Variants in CNGB3 observed in about 807,000 individuals in gnomAD.
The protein encoded by CNGB3 is cyclic nucleotide gated channel subunit beta 3, also known as cyclic nucleotide-gated channel beta-3.
In CNGB3, 86 loss-of-function variants were observed where a neutral mutation model predicts 92.8. The ratio of observed to expected loss-of-function variants is 0.93; its 90% confidence interval spans 0.78 to 1.11. CNGB3 has a LOEUF of 1.11. Ranked by LOEUF, CNGB3 falls within the 50% of genes least tolerant of loss-of-function variation. The pLI is 0.00. For missense variants in CNGB3, 1,026 were observed against 956.8 expected, an observed-to-expected ratio of 1.07 and a Z score of -0.95; for synonymous variants, 333 against 332.7, an observed-to-expected ratio of 1.00 and a Z score of -0.01.
At chr8:86,649,545 G>A (rs1374719951) in intron 7 of CNGB3, among the ~76,000 whole-genome samples, 1 of 151,576 alleles carries the variant, frequency 6.6e-6, no homozygotes, top group Non-Finnish European at 1.5e-5. Context: ...ACATAAATTG[G>A]GGAAAGGACA....
At chr8:86,576,688 T>C (rs1445191890) in intron 17 of CNGB3, among the ~76,000 whole-genome samples, 4 of 152,190 alleles carry the variant, frequency 2.6e-5, no homozygotes, top group Admixed American at 2.6e-4. Context: ...AGAAATTTCA[T>C]AGCAAAAGGT....
intron 6 of CNGB3, chr8:86,658,204 C>T: frequency 1.8e-6 from 1 of 560,026 alleles, no homozygotes; most frequent in Non-Finnish European, 3.3e-6. Flanking sequence ...TGACAGCTCA[C>T]CCTTTGCTCC....
intron 2 of CNGB3, among the ~76,000 whole-genome samples, chr8:86,737,697 C>T (rs1472600711): frequency 4.6e-5 from 7 of 152,160 alleles, no homozygotes; most frequent in Non-Finnish European, 2.9e-5. Context: ...AGGGAATAAG[C>T]ATACCTATAG....
intron 2 of CNGB3, among the ~76,000 whole-genome samples, chr8:86,738,497 T>C (rs1367627341): frequency 6.6e-6 from 1 of 152,030 alleles, no homozygotes; most frequent in Non-Finnish European, 1.5e-5. Flanking sequence ...AGTGCAGACA[T>C]AAGCTACTAA....
chr8:86,679,069 G>A (rs1824030749), intron 3 of CNGB3, among the ~76,000 whole-genome samples: 1 of 152,020 alleles, frequency 6.6e-6, no homozygotes, highest in Non-Finnish European at 1.5e-5. Flanking sequence ...AAGAATGTTT[G>A]ATACAATGTT....
intron 14 of CNGB3, among the ~76,000 whole-genome samples, chr8:86,605,005 A>G (rs1257218931): frequency 6.6e-6 from 1 of 152,128 alleles, no homozygotes; most frequent in Non-Finnish European, 1.5e-5. Context: ...CATTGGACCC[A>G]AGACTAATAT....
intron 11 of CNGB3, among the ~76,000 whole-genome samples, chr8:86,631,107 C>T (rs1431511367): frequency 3.3e-5 from 5 of 152,118 alleles, no homozygotes; most frequent in Non-Finnish European, 5.9e-5. Context: ...CTTCTTGTTC[C>T]TATTGGAACC....
chr8:86,598,631 T>C (rs1006504132), intron 15 of CNGB3, among the ~76,000 whole-genome samples: 1 of 152,106 alleles, frequency 6.6e-6, no homozygotes, highest in Admixed American at 6.5e-5. Flanking sequence ...CAGTGAAAAA[T>C]CTTTTCTTGC....
intron 13 of CNGB3, among the ~76,000 whole-genome samples, chr8:86,618,442 G>A (rs553842950): frequency 1.3e-5 from 2 of 152,314 alleles, no homozygotes; most frequent in African/African-American, 4.8e-5. Flanking sequence ...CTATATGCCA[G>A]GTACTGATAT....
intron 3 of CNGB3, among the ~76,000 whole-genome samples, chr8:86,722,711 G>A (rs1333729161): frequency 2.0e-5 from 3 of 152,168 alleles, no homozygotes; most frequent in African/African-American, 7.2e-5. Flanking sequence ...ACTCTCCTGA[G>A]AGAAAGAGGG....
chr8:86,614,556 T>G (rs1411484117), intron 13 of CNGB3, among the ~76,000 whole-genome samples: 2 of 152,274 alleles, frequency 1.3e-5, no homozygotes, highest in East Asian at 3.9e-4. Context: ...ATGCTTCTAT[T>G]ACTTCATGGG....
At chr8:86,625,614 A>G (rs939453720) in intron 13 of CNGB3, among the ~76,000 whole-genome samples, 5 of 152,166 alleles carry the variant, frequency 3.3e-5, no homozygotes, top group African/African-American at 4.8e-5. Context: ...TTGTCAGGCC[A>G]TTACAGAGCT....
At chr8:86,696,873 T>A (rs1195413162) in intron 3 of CNGB3, among the ~76,000 whole-genome samples, 1 of 152,142 alleles carries the variant, frequency 6.6e-6, no homozygotes, top group Non-Finnish European at 1.5e-5. Flanking sequence ...GGTTGGTGAG[T>A]TTGGTCCATT....
chr8:86,621,768 A>G (rs1210082631), intron 13 of CNGB3, among the ~76,000 whole-genome samples: 1 of 152,186 alleles, frequency 6.6e-6, no homozygotes, highest in Non-Finnish European at 1.5e-5. Context: ...TACTTCACTT[A>G]GAATAATTGT....
At chr8:86,640,374 A>G (rs193123156) in intron 10 of CNGB3, among the ~76,000 whole-genome samples, 110 of 152,238 alleles carry the variant, frequency 7.2e-4, no homozygotes, top group African/African-American at 1.7e-3. Flanking sequence ...CTGAAGTTCT[A>G]TGTCACCAAA....
intron 15 of CNGB3, among the ~76,000 whole-genome samples, chr8:86,594,930 G>A (rs1822136892): frequency 6.6e-6 from 1 of 151,992 alleles, no homozygotes. Context: ...CACCATGTTG[G>A]CCAGGATGGT....
At chr8:86,687,819 T>A (rs1322170183) in intron 3 of CNGB3, among the ~76,000 whole-genome samples, 1 of 152,044 alleles carries the variant, frequency 6.6e-6, no homozygotes, top group African/African-American at 2.4e-5. Flanking sequence ...AGAAGCATAG[T>A]ACAGTATAGG....
intron 3 of CNGB3, among the ~76,000 whole-genome samples, chr8:86,694,508 C>T (rs548560453): frequency 8.0e-5 from 12 of 150,736 alleles, no homozygotes; most frequent in South Asian, 4.2e-4. Flanking sequence ...TCAGATGGGG[C>T]GGCTGCCGGG....
intron 7 of CNGB3, among the ~76,000 whole-genome samples, chr8:86,648,391 C>A (rs79003455): frequency 0.011 from 1,725 of 151,228 alleles, 35 homozygotes; most frequent in African/African-American, 0.038. Flanking sequence ...TACTTCGAAC[C>A]ATTTTGCTAC....
Sources: allele counts gnomAD v4.1 joint callset (sites outside exome capture counted in the v4.1 genomes callset), GRCh38; gene constraint gnomAD v4.1.1; transcripts MANE v1.5; gene names NCBI Gene and HGNC (gene_info 2026-07-23, HGNC 2026-07-21).